NALF1: variants seen among roughly 807,000 people sequenced by gnomAD.
NALF1 encodes family with sequence similarity 155 member A.
NALF1 carries 3 observed loss-of-function variants against 48.4 expected under a neutral mutation model. That is an observed-to-expected ratio of 0.06 (90% confidence interval 0.03 to 0.16). NALF1 has a LOEUF of 0.16. Ranked by LOEUF, NALF1 falls within the 10% of genes least tolerant of loss-of-function variation. The pLI, the probability that NALF1 is intolerant of heterozygous loss-of-function variation, is 1.00. For missense variants in NALF1, 526 were observed against 571.5 expected, an observed-to-expected ratio of 0.92 and a Z score of 0.81; for synonymous variants, 262 against 245.7, an observed-to-expected ratio of 1.07 and a Z score of -0.62.
chr13:107,855,184 C>T (rs1352089963), intron 1 of NALF1, among the ~76,000 whole-genome samples: 1 of 152,148 alleles, frequency 6.6e-6, no homozygotes. Flanking sequence ...ATGCACCAAT[C>T]CCCATTTTAC....
At chr13:107,227,804 G>T (rs1880135552) in intron 1 of NALF1, among the ~76,000 whole-genome samples, 1 of 152,198 alleles carries the variant, frequency 6.6e-6, no homozygotes, top group African/African-American at 2.4e-5. Context: ...TTATTTATTT[G>T]AGCTTCAGTT....
chr13:107,685,826 T>C (rs1881419196), intron 1 of NALF1, among the ~76,000 whole-genome samples: 1 of 152,230 alleles, frequency 6.6e-6, no homozygotes, highest in Non-Finnish European at 1.5e-5. Context: ...TGTGGATTCA[T>C]GTTTTGAGCA....
intron 1 of NALF1, among the ~76,000 whole-genome samples, chr13:107,574,066 AT>A (rs1393680297): frequency 1.3e-5 from 2 of 151,080 alleles, no homozygotes; most frequent in East Asian, 3.9e-4. Context: ...GGTATATGGT[AT>A]TTAGGTCCCC....
intron 1 of NALF1, among the ~76,000 whole-genome samples, chr13:107,348,342 G>A (rs953388882): frequency 9.2e-5 from 14 of 152,032 alleles, no homozygotes; most frequent in East Asian, 1.9e-4. Flanking sequence ...ACGTTCACTC[G>A]GAAGTAAATT....
intron 1 of NALF1, among the ~76,000 whole-genome samples, chr13:107,487,991 C>CAG (rs781330714): frequency 9.9e-5 from 15 of 151,584 alleles, no homozygotes; most frequent in Non-Finnish European, 1.5e-4. Context: ...CTTTCTAGTC[C>CAG]AGTCTTGAGA....
chr13:107,743,628 C>G (rs1309499674), intron 1 of NALF1, among the ~76,000 whole-genome samples: 1 of 152,190 alleles, frequency 6.6e-6, no homozygotes, highest in African/African-American at 2.4e-5. Flanking sequence ...TTGGGTTAAG[C>G]TGAGAGAGAA....
chr13:107,419,636 A>C (rs1317527023), intron 1 of NALF1, among the ~76,000 whole-genome samples: 1 of 152,196 alleles, frequency 6.6e-6, no homozygotes, highest in Non-Finnish European at 1.5e-5. Flanking sequence ...GATTCTAATA[A>C]AATAATTAAG....
chr13:107,333,922 A>G (rs1882512324), intron 1 of NALF1, among the ~76,000 whole-genome samples: 1 of 152,338 alleles, frequency 6.6e-6, no homozygotes, highest in East Asian at 1.9e-4. Flanking sequence ...TCACTGATGA[A>G]TAATTCAGAG....
chr13:107,206,882 T>A (rs902911527), intron 2 of NALF1, among the ~76,000 whole-genome samples: 5 of 152,204 alleles, frequency 3.3e-5, no homozygotes, highest in African/African-American at 1.2e-4. Flanking sequence ...ATCCTCGATA[T>A]CCTAGAGGGA....
At position 107,861,555 on chromosome 13, in the gene NALF1, C is replaced by A. The variant is rs147633749; in HGVS notation, c.915+4127G>T. On this transcript the variant is annotated intron_variant, in intron 1 of 2. Transcript: ENST00000375915. ...ATCCCAGCACTTTGGGAGGCCAAGG[C>A]GGGCAGATCACGAGGTCAGGAGATC... Among the ~76,000 whole-genome samples, 292 of 152,296 alleles carry A rather than the reference C, an allele frequency of 1.9e-3. 4 individuals are homozygous for A. The East Asian group carries it at 0.019, about 10-fold the overall frequency.
intron 1 of NALF1, among the ~76,000 whole-genome samples, chr13:107,415,430 A>G (rs775340499): frequency 1.2e-4 from 19 of 152,074 alleles, no homozygotes; most frequent in Non-Finnish European, 2.8e-4. Flanking sequence ...CTTGAAAGCA[A>G]CAGTACATAC....
intron 1 of NALF1, among the ~76,000 whole-genome samples, chr13:107,758,391 G>A (rs1877174737): frequency 6.6e-6 from 1 of 152,168 alleles, no homozygotes; most frequent in Non-Finnish European, 1.5e-5. Flanking sequence ...AAAACCACAT[G>A]CATTATTGTA....
Position 107,362,539 on chromosome 13 carries a change from G to A in NALF1, c.916-151784C>T, listed in dbSNP as rs1174916133. ...ATTCTCCTGTGTGTCCTCGTCGCGG[G>A]GCATTCTCCTCTCCTTATATCAGAC... On this transcript the variant is annotated intron_variant, in intron 1 of 2. Coordinates refer to ENST00000375915, the MANE Select transcript of NALF1 (RefSeq NM_001080396.3). This position sits in a 1 kb window ranked among gnomAD's most constrained non-coding sequence, Gnocchi z 4.6. Among the ~76,000 whole-genome samples, 1 of 152,004 alleles carries A rather than the reference G, an allele frequency of 6.6e-6. No individual in the cohort carries two copies.
chr13:107,657,968 C>A (rs1197285191), intron 1 of NALF1, among the ~76,000 whole-genome samples: 2 of 152,098 alleles, frequency 1.3e-5, no homozygotes, highest in East Asian at 3.8e-4. Context: ...ATCTTGCCCT[C>A]CTTTTTGAAC....
chr13:107,501,579 A>G (rs74114571), intron 1 of NALF1, among the ~76,000 whole-genome samples: 6,880 of 152,230 alleles, frequency 0.045, 515 homozygotes, highest in African/African-American at 0.15. Context: ...TACCAAGTCA[A>G]TGTCCTCACA....
chr13:107,831,993 A>C (rs1027005982), intron 1 of NALF1, among the ~76,000 whole-genome samples: 2 of 152,190 alleles, frequency 1.3e-5, no homozygotes, highest in Non-Finnish European at 2.9e-5. Flanking sequence ...ATTTGTGGAC[A>C]TCATTAAAAT....
At chr13:107,726,912 CTTGTGT>C (rs758432749) in intron 1 of NALF1, among the ~76,000 whole-genome samples, 2,196 of 97,402 alleles carry the variant, frequency 0.023, 129 homozygotes, top group East Asian at 0.22. Context: ...CCGGCAAATT[CTTGTGT>C]GTGTGTGTGT....
chr13:107,203,261 G>A (rs927304027), intron 2 of NALF1, among the ~76,000 whole-genome samples: 5 of 152,178 alleles, frequency 3.3e-5, no homozygotes, highest in African/African-American at 1.2e-4. Context: ...CGCTTTGACA[G>A]CCACTGTGTG....
chr13:107,253,173 C>CTT lies in NALF1; in HGVS notation c.916-42420_916-42419dup, dbSNP rs3072801. Among the ~76,000 whole-genome samples, 4 of 146,600 alleles carry CTT rather than the reference C, an allele frequency of 2.7e-5. No homozygotes were observed. The East Asian group carries it at 7.9e-4, about 29-fold the overall frequency. ...AGATCTGAAATACTGGGACTTCTTT[C>CTT]TTTTTTTTTTTTTTTGCAGTAATCC... is the stretch of plus-strand genomic sequence containing the variant. On this transcript the variant is annotated intron_variant, in intron 1 of 2. Transcript: ENST00000375915.
Sources: gnomAD v4.1 joint callset for allele counts (sites outside exome capture counted in the v4.1 genomes callset) on GRCh38, gnomAD v4.1.1 for gene constraint, Gnocchi (gnomAD v3.1) non-coding constraint, MANE v1.5 for transcripts, NCBI Gene and HGNC (gene_info 2026-07-23, HGNC 2026-07-21) for gene names.